Variants in IL6ST observed in about 807,000 individuals in gnomAD.
IL6ST encodes interleukin-6 receptor subunit beta.
A neutral mutation model predicts 91.3 loss-of-function variants in IL6ST; 24 were observed. That is an observed-to-expected ratio of 0.26 (90% CI 0.19 to 0.37). The LOEUF is 0.37. IL6ST is among the 10% of genes least tolerant of loss of function. The pLI, the probability that IL6ST is intolerant of heterozygous loss-of-function variation, is 1.00. For missense variants in IL6ST, 914 were observed against 1,078.5 expected (o/e 0.85, Z 2.14); for synonymous variants, 351 against 373.6 (o/e 0.94, Z 0.70).
At chr5:55,948,249 A>C (rs1751399507) in intron 14 of IL6ST, among the ~76,000 whole-genome samples, 1 of 152,218 alleles carries the variant, frequency 6.6e-6, no homozygotes. Context: ...ATCTGCATTT[A>C]AAAGAGGACT....
At position 55,935,656 on chromosome 5, in the gene IL6ST, T is replaced by A; in HGVS notation, c.*5426A>T. On this transcript the variant is annotated 3_prime_UTR_variant, in exon 17 of 17. Transcript: ENST00000381298. ...TCAGTTCCTCTTTGCTTGTAGTCTT[T>A]CACTCCATTAACTTGCCCAAGCACT... The A allele has an allele frequency of 4.6e-6, 1 of 219,488 alleles. No homozygotes were observed. The highest frequency in any genetic ancestry group is 9.1e-6 in the Non-Finnish European group (1 of 109,388). 13.6% of individuals were successfully genotyped at this position (219,488 alleles called of 1,614,324 possible). A position where few individuals can be genotyped will look rare whatever the true frequency, so the allele number is the denominator to read the frequency against.
chr5:55,951,405 A>G lies in IL6ST; in HGVS notation c.1840+59T>C, dbSNP rs1324288003. 4 of 1,296,394 alleles carry G rather than the reference A, an allele frequency of 3.1e-6. No homozygotes were observed. In the African/African-American group the frequency reaches 5.9e-5, roughly 19 times the overall value. The allele number at this position is 1,296,394 out of a possible 1,614,324, so 80.3% of individuals were successfully genotyped here. A position where few individuals can be genotyped will look rare whatever the true frequency, so the allele number is the denominator to read the frequency against. On this transcript the variant is annotated intron_variant, in intron 14 of 16. Coordinates refer to ENST00000381298, the MANE Select transcript of IL6ST (RefSeq NM_002184.4). ...TTAACACAATTTTAGCACATAAACT[A>G]AGTTCATTTCTAACCTAAGTTTGAG...
At chr5:55,961,454 G>A (rs1752311313) in intron 7 of IL6ST, among the ~76,000 whole-genome samples, 1 of 151,998 alleles carries the variant, frequency 6.6e-6, no homozygotes, top group Non-Finnish European at 1.5e-5. Flanking sequence ...GACAGGTAGT[G>A]ACCCTAAGTT....
At chr5:55,985,281 C>T (rs558349409) in intron 1 of IL6ST, among the ~76,000 whole-genome samples, 2 of 151,982 alleles carry the variant, frequency 1.3e-5, no homozygotes, top group African/African-American at 4.8e-5. Context: ...TTTGGGAGGC[C>T]GAAGTGGGTA....
intron 3 of IL6ST, among the ~76,000 whole-genome samples, chr5:55,974,956 T>TACACACACACACACACAC (rs3039924): frequency 8.7e-6 from 1 of 114,518 alleles, no homozygotes. Flanking sequence ...CACACACACA[T>TACACACACACACACACAC]ACACACACAC....
intron 5 of IL6ST, among the ~76,000 whole-genome samples, chr5:55,967,893 T>C (rs1167967988): frequency 6.6e-6 from 1 of 152,116 alleles, no homozygotes; most frequent in Non-Finnish European, 1.5e-5. Flanking sequence ...GCCTCCTGGA[T>C]TTAAGTGATT....
Position 55,935,236 on chromosome 5 carries a change from CACTA to C in IL6ST, c.*5842_*5845del, listed in dbSNP as rs1247640317. 1 of 182,780 alleles carries C rather than the reference CACTA, an allele frequency of 5.5e-6. No homozygotes were observed. The highest frequency in any genetic ancestry group is 2.4e-5 in the African/African-American group (1 of 42,440). 11.3% of individuals were successfully genotyped at this position (182,780 alleles called of 1,614,324 possible). A position where few individuals can be genotyped will look rare whatever the true frequency, so the allele number is the denominator to read the frequency against. ...GCCATTTAAGTGAGGGGATAATTCT[CACTA>C]AAAAAAGCTCAAAAATAAGAAATGA... On this transcript the variant is annotated 3_prime_UTR_variant, in exon 17 of 17. Coordinates refer to ENST00000381298, the MANE Select transcript of IL6ST (RefSeq NM_002184.4).
Position 55,935,534 on chromosome 5 carries a change from G to A in IL6ST, c.*5548C>T. On this transcript the variant is annotated 3_prime_UTR_variant, in exon 17 of 17. Coordinates refer to ENST00000381298, the MANE Select transcript of IL6ST (RefSeq NM_002184.4). ...CATGATCTTACTAAGTTGTCCAAGA[G>A]CCAACCCCGATCAGCAGCAACAGGA... The A allele has an allele frequency of 4.6e-6, 1 of 216,286 alleles. No homozygotes were observed. Among genetic ancestry groups the A allele is most frequent in the Non-Finnish European group, 9.3e-6 (1 of 107,366 alleles). The allele number at this position is 216,286 out of a possible 1,614,324, so 13.4% of individuals were successfully genotyped here. A position where few individuals can be genotyped will look rare whatever the true frequency, so the allele number is the denominator to read the frequency against.
intron 8 of IL6ST, among the ~76,000 whole-genome samples, chr5:55,958,174 T>C (rs1739473892): frequency 1.3e-5 from 2 of 152,264 alleles, no homozygotes; most frequent in African/African-American, 4.8e-5. Flanking sequence ...TGGATGACTA[T>C]AGTGCACTAT....
At chr5:55,947,920 C>T (rs1200349203) in intron 14 of IL6ST, among the ~76,000 whole-genome samples, 2 of 152,126 alleles carry the variant, frequency 1.3e-5, no homozygotes, top group African/African-American at 4.8e-5. Context: ...TTATGATCTG[C>T]ATTTGGTAGA....
At chr5:55,950,616 G>C (rs1045901472) in intron 14 of IL6ST, among the ~76,000 whole-genome samples, 1 of 151,214 alleles carries the variant, frequency 6.6e-6, no homozygotes, top group African/African-American at 2.4e-5. Context: ...TCAGGAGACT[G>C]TGCTAGCAGA....
At chr5:55,944,421 T>C (rs1417921384) in intron 15 of IL6ST, among the ~76,000 whole-genome samples, 1 of 152,182 alleles carries the variant, frequency 6.6e-6, no homozygotes. Context: ...ATACTAAGAA[T>C]TAGAAAATAT....
At chr5:55,949,758 T>C (rs1454372855) in intron 14 of IL6ST, among the ~76,000 whole-genome samples, 1 of 152,240 alleles carries the variant, frequency 6.6e-6, no homozygotes, top group Non-Finnish European at 1.5e-5. Context: ...ATTTATTTTA[T>C]GTAGTCACTC....
intron 1 of IL6ST, chr5:55,994,251 G>A (rs1048686239): frequency 4.6e-5 from 7 of 152,004 alleles, no homozygotes; most frequent in Admixed American, 4.6e-4. Flanking sequence ...GTGAGATGTG[G>A]AATTCGTTAG....
In IL6ST at chr5:55,935,100, G is replaced by GT. The variant is rs374331716; in HGVS notation, c.*5981dup. On this transcript the variant is annotated 3_prime_UTR_variant, in exon 17 of 17. Transcript: ENST00000381298. ...AGAAATACTTTACCTGAGGGTTTTGGTTTTTTTTTGGCTTTTATTTTTGTG... is the reference window on the plus strand; with the variant it reads ...AGAAATACTTTACCTGAGGGTTTTGGTTTTTTTTTTGGCTTTTATTTTTGTG... 380 of 171,974 alleles carry GT rather than the reference G, an allele frequency of 2.2e-3. 3 individuals are homozygous for GT. The highest frequency in any genetic ancestry group is 5.7e-3 in the African/African-American group (236 of 41,738). The allele number at this position is 171,974 out of a possible 1,614,324, so 10.7% of individuals were successfully genotyped here. A position where few individuals can be genotyped will look rare whatever the true frequency, so the allele number is the denominator to read the frequency against.
At chr5:55,955,161 T>C (rs1234508035) in intron 10 of IL6ST, among the ~76,000 whole-genome samples, 169 bp from the exon 11 acceptor site, 2 of 152,226 alleles carry the variant, frequency 1.3e-5, no homozygotes, top group East Asian at 3.8e-4. Context: ...TTTTTAAACT[T>C]AGATTTTGCT....
intron 8 of IL6ST, among the ~76,000 whole-genome samples, chr5:55,958,378 G>T (rs1272634733): frequency 2.0e-5 from 3 of 151,966 alleles, no homozygotes; most frequent in African/African-American, 7.3e-5. Context: ...TAATTTTTTA[G>T]CAATAAGTAA....
At chr5:55,962,503 C>G (rs935202365) in intron 7 of IL6ST, among the ~76,000 whole-genome samples, 3 of 152,134 alleles carry the variant, frequency 2.0e-5, no homozygotes, top group Non-Finnish European at 4.4e-5. Context: ...CCCTATCAAT[C>G]CCTTCCTCTA....
At chr5:55,947,294 C>CAA (rs1466684623) in intron 15 of IL6ST, among the ~76,000 whole-genome samples, 199 bp downstream of exon 15, 1 of 151,974 alleles carries the variant, frequency 6.6e-6, no homozygotes, top group African/African-American at 2.4e-5. Flanking sequence ...GAGAAGAAGA[C>CAA]AGATTACAAA....
Sources: gnomAD v4.1 joint callset for allele counts (sites outside exome capture counted in the v4.1 genomes callset) on GRCh38, gnomAD v4.1.1 for gene constraint, MANE v1.5 for transcripts, NCBI Gene and HGNC (gene_info 2026-07-23, HGNC 2026-07-21) for gene names.